The following ARMH3 variants were observed in gnomAD, a reference collection of about 807,000 sequenced individuals.
ARMH3 encodes armadillo like helical domain containing 3.
ARMH3 carries 60 observed loss-of-function variants against 99.1 expected under a neutral mutation model. The ratio of observed to expected loss-of-function variants is 0.61; its 90% CI spans 0.49 to 0.75. The LOEUF is 0.75. Ranked by LOEUF, ARMH3 falls within the 30% of genes least tolerant of loss-of-function variation. ARMH3 has a pLI of 0.00. For missense variants in ARMH3, 679 were observed against 843.1 expected, an observed-to-expected ratio of 0.81 and a Z score of 2.41; for synonymous variants, 285 against 292.8, an observed-to-expected ratio of 0.97 and a Z score of 0.27.
chr10:101,874,741 G>C (rs1589946812), intron 24 of ARMH3, among the ~76,000 whole-genome samples: 1 of 152,254 alleles, frequency 6.6e-6, no homozygotes, highest in East Asian at 1.9e-4. Context: ...ACATGATCAT[G>C]GCTCTGCTTG....
intron 19 of ARMH3, among the ~76,000 whole-genome samples, chr10:101,982,925 C>T (rs1484640890): frequency 6.6e-6 from 1 of 152,026 alleles, no homozygotes; most frequent in Admixed American, 6.5e-5. Context: ...AAATGTTATG[C>T]ACTTGGATCA....
At chr10:101,943,552 G>A (rs1426179612) in intron 22 of ARMH3, among the ~76,000 whole-genome samples, 1 of 152,040 alleles carries the variant, frequency 6.6e-6, no homozygotes, top group Non-Finnish European at 1.5e-5. Context: ...AAAGTCCAAT[G>A]TTACATAAAA....
intron 1 of ARMH3, among the ~76,000 whole-genome samples, chr10:102,043,488 C>T (rs763865446): frequency 1.3e-5 from 2 of 152,194 alleles, no homozygotes; most frequent in Non-Finnish European, 2.9e-5. Context: ...TCATAATCTA[C>T]TGGCACAGAC....
chr10:102,036,657 A>C (rs1048538449), intron 2 of ARMH3, among the ~76,000 whole-genome samples: 3 of 151,994 alleles, frequency 2.0e-5, no homozygotes, highest in Admixed American at 2.0e-4. Flanking sequence ...TGCTTTGTTA[A>C]ACAGATGCTT....
At chr10:101,919,976 A>G (rs1490005352) in intron 23 of ARMH3, among the ~76,000 whole-genome samples, 1 of 152,188 alleles carries the variant, frequency 6.6e-6, no homozygotes. Flanking sequence ...TCCCTCCATC[A>G]GCCCAATAAC....
At chr10:101,927,136 C>A (rs1389614983) in intron 23 of ARMH3, among the ~76,000 whole-genome samples, 1 of 152,058 alleles carries the variant, frequency 6.6e-6, no homozygotes, top group Non-Finnish European at 1.5e-5. Context: ...AAAAGCTTAG[C>A]AGAATAAAAG....
At chr10:101,987,280 A>G (rs1846555522) in intron 19 of ARMH3, among the ~76,000 whole-genome samples, 1 of 152,058 alleles carries the variant, frequency 6.6e-6, no homozygotes. Context: ...GCCTCCAAGC[A>G]CCTAAACATG....
At chr10:101,986,993 G>A (rs968699231) in intron 19 of ARMH3, among the ~76,000 whole-genome samples, 6 of 152,176 alleles carry the variant, frequency 3.9e-5, no homozygotes, top group Non-Finnish European at 7.3e-5. Context: ...TCTTTTGAGG[G>A]TGAAGTTATG....
chr10:102,027,163 C>T (rs2067017723), intron 5 of ARMH3, among the ~76,000 whole-genome samples: 1 of 151,702 alleles, frequency 6.6e-6, no homozygotes, highest in African/African-American at 2.4e-5. Context: ...CCTGTAATCC[C>T]AGCTACTCAG....
chr10:101,929,617 A>C (rs1255722555), intron 23 of ARMH3, among the ~76,000 whole-genome samples: 1 of 152,254 alleles, frequency 6.6e-6, no homozygotes, highest in Non-Finnish European at 1.5e-5. Context: ...ATTTAGTATA[A>C]ATCTGAAGCT....
chr10:101,921,765 G>A (rs182173732), intron 23 of ARMH3, among the ~76,000 whole-genome samples: 1 of 152,308 alleles, frequency 6.6e-6, no homozygotes, highest in East Asian at 1.9e-4. Context: ...TCACTCATAG[G>A]TAGTAGCTAA....
intron 20 of ARMH3, among the ~76,000 whole-genome samples, chr10:101,958,940 C>T (rs986571148): frequency 6.6e-6 from 1 of 152,186 alleles, no homozygotes; most frequent in African/African-American, 2.4e-5. Flanking sequence ...GTACAAGAGG[C>T]TGGCTTCACC....
At chr10:101,897,756 G>C (rs1218592469) in intron 23 of ARMH3, among the ~76,000 whole-genome samples, 1 of 152,184 alleles carries the variant, frequency 6.6e-6, no homozygotes, top group Non-Finnish European at 1.5e-5. Flanking sequence ...GCCACAGTGA[G>C]GGATGGCACT....
intron 10 of ARMH3, among the ~76,000 whole-genome samples, chr10:102,012,407 A>G (rs940963509): frequency 6.6e-6 from 1 of 152,212 alleles, no homozygotes. Flanking sequence ...AATAAGAAAC[A>G]TCTGTCAAAC....
At chr10:101,872,232 T>C (rs751285780) in intron 24 of ARMH3, among the ~76,000 whole-genome samples, 2 of 150,752 alleles carry the variant, frequency 1.3e-5, no homozygotes, top group Non-Finnish European at 3.0e-5. Flanking sequence ...AGTGTGTGTG[T>C]GTGTGTCTGT....
chr10:101,857,936 C>T (rs2066773257), intron 24 of ARMH3, among the ~76,000 whole-genome samples: 2 of 152,214 alleles, frequency 1.3e-5, no homozygotes, highest in African/African-American at 4.8e-5. Context: ...CCTCTTTTCT[C>T]CCAGAAGCAA....
chr10:102,019,742 A>G (rs940778285), intron 8 of ARMH3, among the ~76,000 whole-genome samples: 6 of 151,862 alleles, frequency 4.0e-5, no homozygotes, highest in Non-Finnish European at 8.8e-5. Context: ...GCTGGCTAAC[A>G]TGGTGAAACC....
At chr10:101,910,910 C>T (rs1229668223) in intron 23 of ARMH3, among the ~76,000 whole-genome samples, 2 of 151,666 alleles carry the variant, frequency 1.3e-5, no homozygotes, top group African/African-American at 2.4e-5. Context: ...GAGGCCAAGG[C>T]GGATGGACCA....
chr10:101,978,526 A>G (rs1846100816), intron 19 of ARMH3, among the ~76,000 whole-genome samples: 1 of 152,236 alleles, frequency 6.6e-6, no homozygotes, highest in South Asian at 2.1e-4. Context: ...GGCTAGGTGC[A>G]GTGGCTCACA....
Sources: gnomAD v4.1 joint callset for allele counts (sites outside exome capture counted in the v4.1 genomes callset) on GRCh38, gnomAD v4.1.1 for gene constraint, MANE v1.5 for transcripts, NCBI Gene and HGNC (gene_info 2026-07-23, HGNC 2026-07-21) for gene names.